The following RASSF2 variants were observed in gnomAD, a reference collection of about 807,000 sequenced individuals.
The protein encoded by RASSF2 is ras association domain-containing protein 2.
Under a neutral mutation model 46.3 loss-of-function variants are expected in RASSF2, and 34 were observed. That is an observed-to-expected ratio of 0.73 (90% CI 0.56 to 0.98). The LOEUF is 0.98. Ranked by LOEUF, RASSF2 falls within the 50% of genes least tolerant of loss-of-function variation. The probability of loss-of-function intolerance (pLI) is 0.00; values close to 1 mark genes in which losing one functional copy is unlikely to be tolerated. For missense variants in RASSF2, 364 were observed against 431.2 expected (o/e 0.84, Z 1.38); for synonymous variants, 158 against 162.5 (o/e 0.97, Z 0.21).
At chr20:4,808,637 C>A (rs2423021) in intron 2 of RASSF2, among the ~76,000 whole-genome samples, 87,540 of 151,624 alleles carry the variant, frequency 0.58, 26,019 homozygotes, top group East Asian at 0.95. Flanking sequence ...CAGGTACACG[C>A]CACCATACCT....
rs12625890 is a variant in RASSF2, at chr20:4,799,072, G to C, written c.60-987C>G. Among the ~76,000 whole-genome samples the C allele has an allele frequency of 8.1e-3, 1,229 of 152,240 alleles. 59 individuals are homozygous for C. In the East Asian group the frequency reaches 0.11, roughly 14 times the overall value. ...ATTGACAGAAAGTTCAAAATGGAGT[G>C]TTAGAATTCAGGATAGTGGTTCACC... is the stretch of plus-strand genomic sequence containing the variant. On this transcript the variant is annotated intron_variant, in intron 3 of 11. Coordinates refer to ENST00000379400, the MANE Select transcript of RASSF2 (RefSeq NM_014737.3).
chr20:4,806,102 C>G (rs1314258354), intron 2 of RASSF2, among the ~76,000 whole-genome samples: 1 of 152,102 alleles, frequency 6.6e-6, no homozygotes, highest in Non-Finnish European at 1.5e-5. Context: ...CCCAGTTGGT[C>G]AGCATGGGCA....
At chr20:4,822,652 G>T (rs1928777919) in intron 1 of RASSF2, among the ~76,000 whole-genome samples, 1 of 152,246 alleles carries the variant, frequency 6.6e-6, no homozygotes, top group South Asian at 2.1e-4. Flanking sequence ...CCTCGCTCGG[G>T]GCGAGAGAAG....
intron 11 of RASSF2, among the ~76,000 whole-genome samples, chr20:4,785,350 AAAC>A (rs368893486): frequency 7.9e-5 from 12 of 152,122 alleles, no homozygotes; most frequent in South Asian, 4.1e-4. Context: ...AAACAAAACA[AAAC>A]AACAACAACA....
intron 11 of RASSF2, 72 bp from the exon 12 acceptor site, chr20:4,784,414 C>A (rs1925105765): frequency 2.1e-6 from 3 of 1,430,828 alleles, no homozygotes; most frequent in African/African-American, 2.8e-5. Context: ...TCCCGGCCAC[C>A]TGGGTAACAC....
intron 2 of RASSF2, among the ~76,000 whole-genome samples, chr20:4,809,925 G>A (rs957675099): frequency 2.0e-5 from 3 of 152,212 alleles, no homozygotes; most frequent in East Asian, 1.9e-4. Flanking sequence ...CATTGGCAGA[G>A]GGACAGCCCG....
intron 2 of RASSF2, among the ~76,000 whole-genome samples, chr20:4,811,358 T>C (rs1263223654): frequency 6.9e-6 from 1 of 145,378 alleles, no homozygotes; most frequent in African/African-American, 2.5e-5. Flanking sequence ...CTTTAAAAAA[T>C]CAAATCAAAT....
intron 10 of RASSF2, among the ~76,000 whole-genome samples, chr20:4,786,695 G>C (rs1320517784): frequency 6.6e-6 from 1 of 152,124 alleles, no homozygotes; most frequent in Non-Finnish European, 1.5e-5. Context: ...AAGGAATCAG[G>C]GTTCCAGATG....
intron 11 of RASSF2, among the ~76,000 whole-genome samples, chr20:4,784,816 C>CAGGTTTTTTTTTTGCAGA: frequency 6.6e-6 from 1 of 152,118 alleles, no homozygotes; most frequent in South Asian, 2.1e-4. Flanking sequence ...AACCTTATAA[C>CAGGTTTTTTTTTTGCAGA]AGAACCTGCA....
intron 2 of RASSF2, among the ~76,000 whole-genome samples, chr20:4,821,096 G>A (rs559362572): frequency 6.6e-6 from 1 of 152,218 alleles, no homozygotes. Context: ...ACGCAGACAC[G>A]AAGCCTGGCT....
intron 11 of RASSF2, 88 bp from the exon 12 acceptor site, chr20:4,784,430 TCACACCA>T: frequency 1.6e-6 from 2 of 1,257,960 alleles, no homozygotes; most frequent in Non-Finnish European, 2.3e-6. Flanking sequence ...AACACCAAGG[TCACACCA>T]GGTAACAGTG....
intron 2 of RASSF2, among the ~76,000 whole-genome samples, chr20:4,819,463 G>A (rs1373819985): frequency 6.6e-6 from 1 of 152,048 alleles, no homozygotes; most frequent in Non-Finnish European, 1.5e-5. Flanking sequence ...ATTGAGATTC[G>A]GTCCTGCAAG....
chr20:4,818,409 C>T (rs191802297), intron 2 of RASSF2, among the ~76,000 whole-genome samples: 4 of 152,240 alleles, frequency 2.6e-5, no homozygotes, highest in Admixed American at 6.5e-5. Context: ...TCCTCCCCTC[C>T]GCATGTACAG....
chr20:4,785,680 T>A (rs1268757067), intron 11 of RASSF2, among the ~76,000 whole-genome samples: 1 of 152,182 alleles, frequency 6.6e-6, no homozygotes, highest in East Asian at 1.9e-4. Flanking sequence ...ACAGCCTTCC[T>A]GAAATCCCTG....
chr20:4,799,458 T>C (rs1280030770), intron 3 of RASSF2, among the ~76,000 whole-genome samples: 2 of 152,040 alleles, frequency 1.3e-5, no homozygotes, highest in Non-Finnish European at 2.9e-5. Flanking sequence ...GGTGGCAGAG[T>C]TCAGCCTCTC....
Position 4,790,797 on chromosome 20 carries a change from A to G in RASSF2, c.377-186T>C, listed in dbSNP as rs1373879957. Among the ~76,000 whole-genome samples the G allele has an allele frequency of 6.6e-6, 1 of 152,260 alleles. No individual in the cohort carries two copies. Among genetic ancestry groups the G allele is most frequent in the African/African-American group, 2.4e-5 (1 of 41,472 alleles). On this transcript the variant is annotated intron_variant, in intron 6 of 11. Transcript: ENST00000379400. This position sits in a 1 kb window ranked among gnomAD's most constrained non-coding sequence, Gnocchi z 4.3. ...AGAGAACCTATACAAGGAAAAGTTC[A>G]GAGAACAGACTTCAGAGCCGGACTC...
intron 3 of RASSF2, among the ~76,000 whole-genome samples, 185 bp downstream of exon 3, chr20:4,800,787 A>G (rs1282184589): frequency 1.3e-5 from 2 of 151,936 alleles, no homozygotes; most frequent in African/African-American, 4.8e-5. Context: ...ACATGTTTTT[A>G]TCTATAGCAG....
rs138269775 is a variant in RASSF2 at position 4,791,743 on chromosome 20, C to T, written c.376+796G>A. Among the ~76,000 whole-genome samples the T allele has an allele frequency of 2.2e-3, 331 of 152,298 alleles. 1 individual carries two copies. Among genetic ancestry groups the T allele is most frequent in the African/African-American group, 7.6e-3 (316 of 41,554 alleles). ...TGTATAAGGCCGCCGACTGCAAACTCGTTTGTCATAGCAGAGGCTGAAAAT... is the reference window on the plus strand; with the variant it reads ...TGTATAAGGCCGCCGACTGCAAACTTGTTTGTCATAGCAGAGGCTGAAAAT... On this transcript the variant is annotated intron_variant, in intron 6 of 11. Coordinates refer to ENST00000379400, the MANE Select transcript of RASSF2 (RefSeq NM_014737.3).
intron 2 of RASSF2, among the ~76,000 whole-genome samples, chr20:4,814,654 G>C (rs1346935320): frequency 2.6e-5 from 4 of 152,154 alleles, no homozygotes; most frequent in South Asian, 2.1e-4. Context: ...CAGGGTGGTC[G>C]GGGCGGCAGT....
Sources: gnomAD v4.1 joint callset for allele counts (sites outside exome capture counted in the v4.1 genomes callset) on GRCh38, gnomAD v4.1.1 for gene constraint, Gnocchi (gnomAD v3.1) non-coding constraint, MANE v1.5 for transcripts, NCBI Gene and HGNC (gene_info 2026-07-23, HGNC 2026-07-21) for gene names.